Variants in ALG12 observed in about 807,000 individuals in gnomAD.
ALG12 encodes dol-P-Man:Man(7)GlcNAc(2)-PP-Dol alpha-1,6-mannosyltransferase.
Under a neutral mutation model 46.0 loss-of-function variants are expected in ALG12, and 36 were observed. That is an observed-to-expected ratio of 0.78 (90% CI 0.60 to 1.03). ALG12 has a LOEUF of 1.03. Among genes scored for constraint, ALG12 ranks in the 50% least tolerant of loss-of-function variants. The pLI, the probability that ALG12 is intolerant of heterozygous loss-of-function variation, is 0.00. For missense variants in ALG12, 599 were observed against 633.5 expected (o/e 0.95, Z 0.58); for synonymous variants, 326 against 291.6 (o/e 1.12, Z -1.20).
At chr22:49,881,514 C>G in the ALG12 span, among the ~76,000 whole-genome samples, 1 of 152,150 alleles carries the variant, frequency 6.6e-6, no homozygotes, top group Non-Finnish European at 1.5e-5. Flanking sequence ...GCCTTCCAAG[C>G]AGCTGAGATA....
the ALG12 span, among the ~76,000 whole-genome samples, chr22:49,876,270 A>G: frequency 3.9e-5 from 6 of 152,350 alleles, no homozygotes; most frequent in East Asian, 1.2e-3. Context: ...TGGACTGCTC[A>G]ATAAATGCCC....
chr22:49,890,240 G>C, the ALG12 span, among the ~76,000 whole-genome samples: 9 of 152,142 alleles, frequency 5.9e-5, 1 homozygote, highest in Non-Finnish European at 1.2e-4. Context: ...CCAGGAGTTT[G>C]AGGTTGCAGT....
chr22:49,883,670 A>G, the ALG12 span: 2 of 1,578,336 alleles, frequency 1.3e-6, no homozygotes, highest in South Asian at 2.3e-5. Context: ...GTCATGGAGA[A>G]TAACTTGAAA....
chr22:49,886,511 A>G, the ALG12 span: 1 of 1,569,402 alleles, frequency 6.4e-7, no homozygotes, highest in Non-Finnish European at 8.6e-7. This position sits in a 1 kb window ranked among gnomAD's most constrained non-coding sequence, Gnocchi z 7.7. Context: ...ATGAGCACGC[A>G]GATGTCCACC....
Position 49,913,842 on chromosome 22 carries a change from T to C in ALG12, c.-77A>G, listed in dbSNP as rs1358768203. Reference sequence around the variant, plus strand: ...GCCGTTAGCACTGCCACTCCACGCATGCTGGAAAAGTGGAAACAGATTCCT... The same window carrying C: ...GCCGTTAGCACTGCCACTCCACGCACGCTGGAAAAGTGGAAACAGATTCCT... On this transcript the variant is annotated splice_region_variant and 5_prime_UTR_variant, in exon 2 of 10. The change abolishes an upstream ATG in the 5' untranslated region. Coordinates refer to ENST00000330817, the MANE Select transcript of ALG12 (RefSeq NM_024105.4). The C allele has an allele frequency of 8.2e-6, 13 of 1,588,972 alleles. No individual in the cohort carries two copies. The East Asian group carries it at 2.2e-4, about 27-fold the overall frequency.
At chr22:49,884,096 G>A in the ALG12 span, 1 of 1,613,160 alleles carries the variant, frequency 6.2e-7, no homozygotes, top group Non-Finnish European at 8.5e-7. Context: ...GAGTTCAGCA[G>A]AGGCAAAAAC....
chr22:49,875,418 C>CTTTTTT, the ALG12 span, among the ~76,000 whole-genome samples: 6 of 145,174 alleles, frequency 4.1e-5, no homozygotes, highest in Non-Finnish European at 7.5e-5. Flanking sequence ...AATTTATTTT[C>CTTTTTT]TTTTTTTTTT....
At chr22:49,877,768 G>T in the ALG12 span, among the ~76,000 whole-genome samples, 15 of 152,148 alleles carry the variant, frequency 9.9e-5, no homozygotes, top group Non-Finnish European at 2.2e-4. Context: ...CCTGCAGGTG[G>T]CATGGACACA....
chr22:49,910,532 GC>G lies in ALG12; in HGVS notation c.370del (p.Ala124ProfsTer10), dbSNP rs2060570737. ...LQKEVRRHFG[A>X]MVATMFCWVT... ...CCAGCAGAACATGGTGGCCACCATG[GC>G]CCCGAAGTGCCGTCTCACTTCCTTT... On this transcript the variant is annotated frameshift_variant, in exon 4 of 10. Coordinates refer to ENST00000330817, the MANE Select transcript of ALG12 (RefSeq NM_024105.4). LOFTEE classifies it high-confidence loss of function. The G allele has an allele frequency of 6.2e-7, 1 of 1,614,094 alleles. No individual in the cohort carries two copies. The highest frequency in any genetic ancestry group is 8.5e-7 in the Non-Finnish European group (1 of 1,180,026).
At chr22:49,876,691 T>A in the ALG12 span, among the ~76,000 whole-genome samples, 1 of 152,222 alleles carries the variant, frequency 6.6e-6, no homozygotes, top group East Asian at 1.9e-4. Flanking sequence ...AGCTGCAGCG[T>A]TTACCCCGAG....
the ALG12 span, among the ~76,000 whole-genome samples, chr22:49,891,305 C>T: frequency 6.6e-6 from 1 of 152,224 alleles, no homozygotes; most frequent in Non-Finnish European, 1.5e-5. Context: ...CTGCTCTTGT[C>T]TGCAGCTGAT....
the ALG12 span, among the ~76,000 whole-genome samples, chr22:49,868,305 C>G: frequency 1.3e-5 from 2 of 152,180 alleles, no homozygotes; most frequent in Non-Finnish European, 2.9e-5. Context: ...TACTATATTT[C>G]AAATGAATAA....
chr22:49,906,751 C>G lies in ALG12; in HGVS notation c.992+970G>C, dbSNP rs933827944. ...TGGCCTCCTGTTCCCATCAAGGCAG[C>G]AAACTCTGAACGGGCACAGAGCTGG... On this transcript the variant is annotated intron_variant, in intron 7 of 9. Coordinates refer to ENST00000330817, the MANE Select transcript of ALG12 (RefSeq NM_024105.4). The surrounding 1 kb of genome is among the most constrained non-coding windows in gnomAD (Gnocchi z 4.4). Among the ~76,000 whole-genome samples the G allele has an allele frequency of 6.6e-6, 1 of 152,214 alleles. No individual in the cohort carries two copies. The highest frequency in any genetic ancestry group is 2.4e-5 in the African/African-American group (1 of 41,456).
the ALG12 span, among the ~76,000 whole-genome samples, chr22:49,867,111 C>T: frequency 2.6e-5 from 4 of 152,298 alleles, no homozygotes; most frequent in South Asian, 2.1e-4. Context: ...TTTTTATTGT[C>T]GTTCAGTTGA....
At chr22:49,874,197 C>G in the ALG12 span, among the ~76,000 whole-genome samples, 2 of 152,180 alleles carry the variant, frequency 1.3e-5, no homozygotes, top group African/African-American at 2.4e-5. Context: ...AGCACTCACT[C>G]TTTCACTGAT....
the ALG12 span, among the ~76,000 whole-genome samples, chr22:49,873,719 C>T: frequency 3.3e-5 from 5 of 152,300 alleles, no homozygotes; most frequent in East Asian, 7.7e-4. Context: ...GGTCTTCCCA[C>T]CTCATCACCC....
At chr22:49,904,141 A>T in intron 9 of ALG12, 38 bp downstream of exon 9, 1 of 1,614,140 alleles carries the variant, frequency 6.2e-7, no homozygotes, top group Non-Finnish European at 8.5e-7. Context: ...GGGCCCTCAC[A>T]TGGCCTCTGG....
At chr22:49,877,211 T>G in the ALG12 span, among the ~76,000 whole-genome samples, 1 of 151,398 alleles carries the variant, frequency 6.6e-6, no homozygotes, top group Non-Finnish European at 1.5e-5. Flanking sequence ...AAGTCTTGCT[T>G]TTTTATTCAT....
intron 6 of ALG12, among the ~76,000 whole-genome samples, 180 bp downstream of exon 6, chr22:49,909,064 A>C (rs1319222259): frequency 6.6e-6 from 1 of 152,018 alleles, no homozygotes; most frequent in Non-Finnish European, 1.5e-5. Context: ...GAGGGCAGCC[A>C]GGACCTCACC....
Sources: gnomAD v4.1 joint callset for allele counts (sites outside exome capture counted in the v4.1 genomes callset) on GRCh38, gnomAD v4.1.1 for gene constraint, Gnocchi (gnomAD v3.1) non-coding constraint, MANE v1.5 for transcripts, NCBI Gene and HGNC (gene_info 2026-07-23, HGNC 2026-07-21) for gene names.